The following CTNND2 variants were observed in gnomAD, a reference collection of about 807,000 sequenced individuals.
CTNND2 encodes the protein catenin delta-2.
CTNND2 carries 22 observed loss-of-function variants against 144.4 expected under a neutral mutation model. The ratio of observed to expected loss-of-function variants is 0.15; its 90% CI spans 0.11 to 0.22. CTNND2 has a LOEUF of 0.22. Ranked by LOEUF, CTNND2 falls within the 10% of genes least tolerant of loss-of-function variation. The pLI, the probability that CTNND2 is intolerant of heterozygous loss-of-function variation, is 1.00. For synonymous variants in CTNND2, 751 were observed against 695.6 expected, an observed-to-expected ratio of 1.08 and a Z score of -1.25; for missense variants, 1,353 against 1,618.8, an observed-to-expected ratio of 0.84 and a Z score of 2.82.
chr5:11,885,244 GT>G, intron 1 of CTNND2, among the ~76,000 whole-genome samples: 1 of 152,076 alleles, frequency 6.6e-6, no homozygotes. Flanking sequence ...ATTGATATTT[GT>G]TTTTTAAAAG....
chr5:11,453,129 T>C (rs1765438518), intron 3 of CTNND2, among the ~76,000 whole-genome samples: 1 of 152,170 alleles, frequency 6.6e-6, no homozygotes, highest in Non-Finnish European at 1.5e-5. Context: ...GCAGCTGAAG[T>C]TTAAAACCAA....
At chr5:11,438,795 A>G (rs985949397) in intron 3 of CTNND2, among the ~76,000 whole-genome samples, 1 of 152,112 alleles carries the variant, frequency 6.6e-6, no homozygotes, top group African/African-American at 2.4e-5. Flanking sequence ...ACATGCTTCG[A>G]TTTTAACTTT....
At chr5:11,220,955 G>C (rs1461550396) in intron 10 of CTNND2, among the ~76,000 whole-genome samples, 1 of 152,310 alleles carries the variant, frequency 6.6e-6, no homozygotes, top group East Asian at 1.9e-4. Flanking sequence ...TAACAAAAGA[G>C]TTAATGCCAA....
At chr5:11,204,004 T>C (rs1016259370) in intron 10 of CTNND2, among the ~76,000 whole-genome samples, 1 of 152,164 alleles carries the variant, frequency 6.6e-6, no homozygotes, top group East Asian at 1.9e-4. Context: ...GTGAGTAAAG[T>C]GGTTCTTTGA....
chr5:11,661,689 A>T (rs958870902), intron 2 of CTNND2, among the ~76,000 whole-genome samples: 3 of 152,184 alleles, frequency 2.0e-5, no homozygotes, highest in African/African-American at 7.2e-5. Context: ...GTTTAGCTAG[A>T]AAAAGAAATA....
intron 9 of CTNND2, among the ~76,000 whole-genome samples, chr5:11,293,402 A>C (rs1012587274): frequency 3.3e-5 from 5 of 152,202 alleles, no homozygotes; most frequent in African/African-American, 1.2e-4. Context: ...GATTGTGTTC[A>C]CAAAAAGATA....
At position 11,141,893 on chromosome 5, in the gene CTNND2, C is replaced by T. The variant is rs181855050; in HGVS notation, c.2159+17683G>A. ...GTTGAGAAGTGGGAACTTGAGGAGG[C>T]GATTAGATCCTGAGGGCTCTCAATG... On this transcript the variant is annotated intron_variant, in intron 12 of 21. Transcript: ENST00000304623. Among the ~76,000 whole-genome samples the T allele has an allele frequency of 5.3e-5, 8 of 152,234 alleles. No homozygotes were observed. The East Asian group carries it at 7.7e-4, about 15-fold the overall frequency.
intron 1 of CTNND2, among the ~76,000 whole-genome samples, chr5:11,854,127 TCAGCACAC>T (rs1795145791): frequency 6.6e-6 from 1 of 152,214 alleles, no homozygotes; most frequent in Non-Finnish European, 1.5e-5. Context: ...CAAAGCACGT[TCAGCACAC>T]TGCCACGGGT....
chr5:11,748,486 C>A (rs1015727033), intron 1 of CTNND2, among the ~76,000 whole-genome samples: 2 of 151,950 alleles, frequency 1.3e-5, no homozygotes, highest in African/African-American at 4.8e-5. Flanking sequence ...TTTAAATGGA[C>A]AAATAATTAG....
intron 16 of CTNND2, among the ~76,000 whole-genome samples, chr5:11,047,652 C>T (rs962129308): frequency 6.6e-6 from 1 of 152,064 alleles, no homozygotes; most frequent in East Asian, 1.9e-4. Context: ...CCAGCGTCAC[C>T]CTAATAAATA....
chr5:11,157,269 C>A (rs7725986), intron 12 of CTNND2, among the ~76,000 whole-genome samples: 2 of 152,162 alleles, frequency 1.3e-5, no homozygotes, highest in Non-Finnish European at 2.9e-5. Context: ...GTCCTTTCAA[C>A]GCTGGGTAGC....
At chr5:11,321,234 G>A (rs1240970322) in intron 9 of CTNND2, among the ~76,000 whole-genome samples, 1 of 152,182 alleles carries the variant, frequency 6.6e-6, no homozygotes, top group African/African-American at 2.4e-5. Context: ...CTACATATGT[G>A]TGTTGCAACA....
intron 10 of CTNND2, among the ~76,000 whole-genome samples, chr5:11,214,194 G>C (rs1738936629): frequency 6.6e-6 from 1 of 152,098 alleles, no homozygotes; most frequent in African/African-American, 2.4e-5. Context: ...ATAGTAAAAT[G>C]CTCTGATTTT....
intron 16 of CTNND2, among the ~76,000 whole-genome samples, chr5:11,044,237 TGCC>T (rs1322909243): frequency 6.6e-6 from 1 of 152,166 alleles, no homozygotes; most frequent in African/African-American, 2.4e-5. Flanking sequence ...CACACTGCCC[TGCC>T]ACTCTGTCAA....
chr5:11,886,395 T>G (rs982947909), intron 1 of CTNND2, among the ~76,000 whole-genome samples: 1 of 152,112 alleles, frequency 6.6e-6, no homozygotes, highest in African/African-American at 2.4e-5. Flanking sequence ...CAAAGGGTCA[T>G]TCAAGACTAC....
At chr5:11,508,231 T>C (rs1033331281) in intron 3 of CTNND2, 1 of 152,198 alleles carries the variant, frequency 6.6e-6, no homozygotes, top group Non-Finnish European at 1.5e-5. Flanking sequence ...TTCCTTTACT[T>C]ATGGACAAAA....
At chr5:11,229,136 G>A (rs1440485458) in intron 10 of CTNND2, among the ~76,000 whole-genome samples, 4 of 151,954 alleles carry the variant, frequency 2.6e-5, no homozygotes, top group East Asian at 1.9e-4. Context: ...GCTGGTCACC[G>A]GACATTTCTA....
intron 3 of CTNND2, among the ~76,000 whole-genome samples, chr5:11,552,367 T>C (rs1014364415): frequency 6.6e-6 from 1 of 152,206 alleles, no homozygotes; most frequent in African/African-American, 2.4e-5. Context: ...TTCTCCCTCA[T>C]ATAAAGTTCA....
chr5:11,392,993 T>C (rs1214824576), intron 6 of CTNND2, among the ~76,000 whole-genome samples: 1 of 152,160 alleles, frequency 6.6e-6, no homozygotes, highest in African/African-American at 2.4e-5. Flanking sequence ...CAACTTCCCC[T>C]TCCCCTCAGC....
Sources: allele counts gnomAD v4.1 joint callset (sites outside exome capture counted in the v4.1 genomes callset), GRCh38; gene constraint gnomAD v4.1.1; transcripts MANE v1.5; gene names NCBI Gene and HGNC (gene_info 2026-07-23, HGNC 2026-07-21).